The following SNAPC4 variants were observed in gnomAD, a reference collection of about 807,000 sequenced individuals.
The protein encoded by SNAPC4 is small nuclear RNA activating complex polypeptide 4.
A neutral mutation model predicts 151.3 loss-of-function variants in SNAPC4; 127 were observed. The observed-to-expected ratio is 0.84, with a 90% confidence interval of 0.73 to 0.97. The LOEUF is 0.97. Among genes scored for constraint, SNAPC4 ranks in the 50% least tolerant of loss-of-function variants. The pLI is 0.00. For synonymous variants in SNAPC4, 1,002 were observed against 824.4 expected, an observed-to-expected ratio of 1.22 and a Z score of -3.69; for missense variants, 2,186 against 1,935.0, an observed-to-expected ratio of 1.13 and a Z score of -2.43.
At position 136,378,656 on chromosome 9, in the gene SNAPC4, G is replaced by A. The variant is rs1833564424; in HGVS notation, c.3171C>T (p.Pro1057=). ...APSPTPLPVQ[P]LSLTHIGGPH... ...GCCCTCCTATGTGCGTCAGGCTGAG[G>A]GGCTGGACGGGCAGTGGGGTGGGGC... Residue 1057 remains proline, a synonymous_variant, in exon 22 of 24, where the codon CCC becomes CCT. Coordinates refer to ENST00000684778, the MANE Select transcript of SNAPC4 (RefSeq NM_003086.4). The A allele has an allele frequency of 1.9e-5, 29 of 1,519,312 alleles. No individual in the cohort carries two copies. The highest frequency in any genetic ancestry group is 2.5e-5 in the Non-Finnish European group (28 of 1,135,340). The allele number at this position is 1,519,312 out of a possible 1,614,324, so 94.1% of individuals were successfully genotyped here.
chr9:136,389,230 A>G (rs1833989936), intron 10 of SNAPC4, among the ~76,000 whole-genome samples: 1 of 152,202 alleles, frequency 6.6e-6, no homozygotes, highest in South Asian at 2.1e-4. Flanking sequence ...AGAGCTGATG[A>G]GTGCTACCTG....
In SNAPC4 at chr9:136,394,266, A is replaced by G; in HGVS notation, c.615T>C (p.Leu205=). The G allele has an allele frequency of 6.2e-7, 1 of 1,613,738 alleles. No individual in the cohort carries two copies. Among genetic ancestry groups the G allele is most frequent in the Admixed American group, 1.7e-5 (1 of 60,034 alleles). Residue 205 remains leucine, a synonymous_variant, in exon 7 of 24, where the codon CTT becomes CTC. Transcript: ENST00000684778. ...AGACTTACTTCAGTAACTTGGGCTGAAGCAATCGCTGCAGGCGGTCACTCA... is the reference window on the plus strand; with the variant it reads ...AGACTTACTTCAGTAACTTGGGCTGGAGCAATCGCTGCAGGCGGTCACTCA... The part of the protein sequence containing the change: ...SVVSDRLQRL[L]QPKLLKLEYL...
Position 136,383,755 on chromosome 9 carries a change from G to T in SNAPC4, c.1501-87C>A. 6.6e-7 allele frequency: 1 copy of T among 1,516,832 alleles called. No homozygotes were observed. The highest frequency in any genetic ancestry group is 1.4e-5 in the African/African-American group (1 of 72,656). The allele number at this position is 1,516,832 out of a possible 1,614,324, so 94.0% of individuals were successfully genotyped here. A position where few individuals can be genotyped will look rare whatever the true frequency, so the allele number is the denominator to read the frequency against. ...AAGCAGGCCAGCCCTTTGGGGAGAGGCCCAAGCGGGGGCGCCTCCGGGGTC... is the reference window on the plus strand; with the variant it reads ...AAGCAGGCCAGCCCTTTGGGGAGAGTCCCAAGCGGGGGCGCCTCCGGGGTC... On this transcript the variant is annotated intron_variant, in intron 15 of 23. Coordinates refer to ENST00000684778, the MANE Select transcript of SNAPC4 (RefSeq NM_003086.4). This position sits in a 1 kb window ranked among gnomAD's most constrained non-coding sequence, Gnocchi z 4.2.
At position 136,392,608 on chromosome 9, in the gene SNAPC4, T is replaced by C; in HGVS notation, c.738-14A>G. The C allele has an allele frequency of 6.2e-7, 1 of 1,613,816 alleles. No individual in the cohort carries two copies. Among genetic ancestry groups the C allele is most frequent in the Non-Finnish European group, 8.5e-7 (1 of 1,179,998 alleles). ...TCTGGAAGCTGGCTGGTGGAAGGGA[T>C]GAGGGTATTGGCACCACGCCTGGCT... On this transcript the variant is annotated splice_polypyrimidine_tract_variant and intron_variant, in intron 8 of 23. Coordinates refer to ENST00000684778, the MANE Select transcript of SNAPC4 (RefSeq NM_003086.4).
chr9:136,385,102 G>A (rs1256414806), intron 13 of SNAPC4, among the ~76,000 whole-genome samples: 1 of 152,192 alleles, frequency 6.6e-6, no homozygotes, highest in Non-Finnish European at 1.5e-5. Flanking sequence ...GTCATAACTA[G>A]ACAAGTAATG....
chr9:136,388,366 A>AT lies in SNAPC4; in HGVS notation c.1123+77dup, dbSNP rs895968901. On this transcript the variant is annotated intron_variant, in intron 11 of 23. Transcript: ENST00000684778. ...CGTCTGTCTTGTTGCTTCTCTGTGA[A>AT]TTTTCCCTGCAAGTCTCCAGTGTCC... The AT allele has an allele frequency of 3.1e-5, 46 of 1,481,220 alleles. No homozygotes were observed. In the African/African-American group the frequency reaches 5.7e-4, roughly 18 times the overall value. The allele number at this position is 1,481,220 out of a possible 1,614,324, so 91.8% of individuals were successfully genotyped here. A position where few individuals can be genotyped will look rare whatever the true frequency, so the allele number is the denominator to read the frequency against.
intron 10 of SNAPC4, among the ~76,000 whole-genome samples, chr9:136,391,466 A>C (rs1834071182): frequency 6.6e-6 from 1 of 152,192 alleles, no homozygotes; most frequent in Non-Finnish European, 1.5e-5. Flanking sequence ...TTGGAAATCT[A>C]TGAGAAGAAG....
At chr9:136,397,111 TG>T (rs887513939) in intron 2 of SNAPC4, 88 bp from the exon 3 acceptor site, 31 of 1,193,392 alleles carry the variant, frequency 2.6e-5, no homozygotes, top group Non-Finnish European at 3.4e-5. Flanking sequence ...TGGGCAGACC[TG>T]GGGTTGTGAG....
chr9:136,380,044 T>G (rs1205979313), intron 20 of SNAPC4, among the ~76,000 whole-genome samples, 180 bp from the exon 21 acceptor site: 1 of 152,202 alleles, frequency 6.6e-6, no homozygotes, highest in Non-Finnish European at 1.5e-5. Context: ...GCCAAGCATG[T>G]GGCCCGATCC....
At position 136,379,193 on chromosome 9, in the gene SNAPC4, C is replaced by T. The variant is rs769218847; in HGVS notation, c.2634G>A (p.Ala878=). 3.2e-5 allele frequency: 51 copies of T among 1,606,150 alleles called. No individual in the cohort carries two copies. The East Asian group carries it at 4.5e-4, about 14-fold the overall frequency. The part of the protein sequence containing the change: ...SSRVERTLPQ[A]SLLASTGPRP... ...GGGGGCCGGTTGAAGCCAGCAGGGA[C>T]GCCTGGGGTAGGGTGCGCTCCACCC... Residue 878 remains alanine, a synonymous_variant, in exon 22 of 24, where the codon GCG becomes GCA. Transcript: ENST00000684778.
rs148228622 is a variant in SNAPC4, at chr9:136,377,557, T to C, written c.4270A>G (p.Thr1424Ala). The change falls in exon 22 of 24, where the codon ACA becomes GCA. Residue 1424 changes from threonine (T) to alanine (A), a missense_variant. By Grantham distance (58) the Thr-to-Ala change is moderately conservative. Transcript: ENST00000684778. ...GCCCACCCTACCTGAATGGGGCATG[T>C]GGCTGTCGTGCAGCCCGGCTGCCCG... is the stretch of plus-strand genomic sequence containing the variant. ...RDGQPGCTTA[T>A]CPIQGAPDSG... is the part of the protein sequence containing the mutation. The C allele has an allele frequency of 4.3e-4, 645 of 1,516,988 alleles. 4 individuals are homozygous for C. In the African/African-American group the frequency reaches 8.1e-3, roughly 19 times the overall value. The allele number at this position is 1,516,988 out of a possible 1,614,324, so 94.0% of individuals were successfully genotyped here.
At chr9:136,394,482 C>G (rs1834191192) in intron 6 of SNAPC4, 152 bp from the exon 7 acceptor site, 1 of 721,592 alleles carries the variant, frequency 1.4e-6, no homozygotes, top group Admixed American at 2.1e-5. Flanking sequence ...CTCCACCCAG[C>G]TGACAGAGCT....
chr9:136,389,649 G>A (rs954585339), intron 10 of SNAPC4, among the ~76,000 whole-genome samples: 4 of 152,172 alleles, frequency 2.6e-5, no homozygotes, highest in South Asian at 2.1e-4. Context: ...GGCCTCACCC[G>A]TCCTCCTACA....
chr9:136,381,253 A>C (rs1833679905), intron 19 of SNAPC4, 69 bp downstream of exon 19: 4 of 1,207,904 alleles, frequency 3.3e-6, no homozygotes, highest in Non-Finnish European at 4.9e-6. Flanking sequence ...AATCTACTGC[A>C]GATTTCAAAA....
chr9:136,380,261 TC>T (rs1296683544), intron 20 of SNAPC4, among the ~76,000 whole-genome samples: 2 of 149,940 alleles, frequency 1.3e-5, no homozygotes, highest in African/African-American at 4.9e-5. Flanking sequence ...CAAGAGCTCT[TC>T]TGGGGGGTTG....
rs1470390241 is a variant in SNAPC4 at position 136,377,860 on chromosome 9, C to T, written c.3967G>A (p.Ala1323Thr). 8 of 1,611,538 alleles carry T rather than the reference C, an allele frequency of 5.0e-6. No homozygotes were observed. Among genetic ancestry groups the T allele is most frequent in the East Asian group, 4.5e-5 (2 of 44,870 alleles). Residue 1323 changes from alanine to threonine, a missense_variant, in exon 22 of 24, where the codon GCC (alanine) becomes ACC (threonine). Physicochemically the swap from Ala to Thr is moderately conservative, Grantham distance 58. Coordinates refer to ENST00000684778, the MANE Select transcript of SNAPC4 (RefSeq NM_003086.4). ...ALSGLLLHKK[A>T]LEHKATSLVV... ...AGGGAGGTGGCCTTGTGCTCCAGGG[C>T]CTTCTTGTGGAGTAGGAGACCGGAC...
intron 1 of SNAPC4, among the ~76,000 whole-genome samples, chr9:136,399,125 G>A (rs1282747741): frequency 1.3e-5 from 2 of 152,220 alleles, no homozygotes; most frequent in Non-Finnish European, 2.9e-5. Flanking sequence ...GAGAGTGGGA[G>A]AATGAAACAT....
At chr9:136,384,921 C>T in intron 13 of SNAPC4, 107 bp from the exon 14 acceptor site, 1 of 589,240 alleles carries the variant, frequency 1.7e-6, no homozygotes, top group Non-Finnish European at 3.0e-6. Flanking sequence ...AAGGCGCAAG[C>T]AACAAAAGAA....
Position 136,378,822 on chromosome 9 carries a change from G to A in SNAPC4, c.3005C>T (p.Ala1002Val). 1 of 1,596,828 alleles carries A rather than the reference G, an allele frequency of 6.3e-7. No individual in the cohort carries two copies. Among genetic ancestry groups the A allele is most frequent in the South Asian group, 1.1e-5 (1 of 88,364 alleles). The change falls in exon 22 of 24, where the codon GCT becomes GTT. Residue 1002 changes from alanine to valine, a missense_variant. Ala to Val is a moderately conservative substitution (Grantham distance 64). Transcript: ENST00000684778. ...GCCCAGGGCAGGGGCTTGGGAAGCA[G>A]CAGGGGCTGTGCCCTCGGCCTCTGA... ...VFSEAEGTAP[A>V]ASQAPALGPG...
Sources: gnomAD v4.1 joint callset for allele counts (sites outside exome capture counted in the v4.1 genomes callset) on GRCh38, gnomAD v4.1.1 for gene constraint, Gnocchi (gnomAD v3.1) non-coding constraint, MANE v1.5 for transcripts, NCBI Gene and HGNC (gene_info 2026-07-23, HGNC 2026-07-21) for gene names.